The following PRR5L variants were observed in gnomAD, a reference collection of about 807,000 sequenced individuals.
PRR5L encodes the protein proline rich 5 like.
PRR5L carries 21 observed loss-of-function variants against 36.4 expected under a neutral mutation model. The ratio of observed to expected loss-of-function variants is 0.58; its 90% confidence interval spans 0.41 to 0.83. PRR5L has a LOEUF of 0.83. Among genes scored for constraint, PRR5L ranks in the 40% least tolerant of loss-of-function variants. The probability of loss-of-function intolerance (pLI) is 0.00; values close to 1 mark genes in which losing one functional copy is unlikely to be tolerated. For missense variants in PRR5L, 381 were observed against 473.3 expected (o/e 0.80, Z 1.81); for synonymous variants, 188 against 197.0 (o/e 0.95, Z 0.38).
chr11:36,300,086 T>G (rs1393133940), intron 1 of PRR5L, among the ~76,000 whole-genome samples: 2 of 152,148 alleles, frequency 1.3e-5, no homozygotes, highest in Non-Finnish European at 2.9e-5. Flanking sequence ...GAAGTACAAG[T>G]GAAATATCTT....
intron 1 of PRR5L, among the ~76,000 whole-genome samples, chr11:36,381,847 T>G (rs975524094): frequency 1.3e-5 from 2 of 152,042 alleles, no homozygotes; most frequent in Non-Finnish European, 2.9e-5. Flanking sequence ...GACAATAGAT[T>G]CCTTTCAGGC....
chr11:36,343,905 GT>G (rs1554986223), intron 1 of PRR5L, among the ~76,000 whole-genome samples: 132 of 147,622 alleles, frequency 8.9e-4, no homozygotes, highest in African/African-American at 1.8e-3. Context: ...GTTTTATGTT[GT>G]TTTTTTTTTT....
intron 4 of PRR5L, among the ~76,000 whole-genome samples, chr11:36,423,319 A>T (rs75930075): frequency 1.3e-5 from 2 of 152,348 alleles, no homozygotes; most frequent in South Asian, 2.1e-4. Flanking sequence ...CAAGAGTCCC[A>T]GGAGGCCAGT....
At chr11:36,417,189 T>A (rs1311165025) in intron 3 of PRR5L, among the ~76,000 whole-genome samples, 3 of 152,158 alleles carry the variant, frequency 2.0e-5, no homozygotes, top group Non-Finnish European at 4.4e-5. Context: ...CTTGGGAAGC[T>A]CTCTCCTAAG....
At chr11:36,374,084 T>G (rs976204807) in intron 1 of PRR5L, among the ~76,000 whole-genome samples, 272 of 117,420 alleles carry the variant, frequency 2.3e-3, no homozygotes, top group Admixed American at 3.7e-3. Context: ...CTTCCTTCCT[T>G]CCTTCCTTCC....
At chr11:36,341,062 AAGGC>A (rs1856812476) in intron 1 of PRR5L, among the ~76,000 whole-genome samples, 1 of 152,200 alleles carries the variant, frequency 6.6e-6, no homozygotes, top group African/African-American at 2.4e-5. Flanking sequence ...CTCTCCGGGA[AAGGC>A]AGGCAGATGG....
At chr11:36,386,459 A>G (rs1347895632) in intron 1 of PRR5L, 1 of 152,270 alleles carries the variant, frequency 6.6e-6, no homozygotes, top group Non-Finnish European at 1.5e-5. Flanking sequence ...CTCATCAGAC[A>G]CTGAACAAGT....
chr11:36,415,717 T>C (rs954891984), intron 3 of PRR5L, among the ~76,000 whole-genome samples: 3 of 152,304 alleles, frequency 2.0e-5, no homozygotes, highest in Non-Finnish European at 2.9e-5. Flanking sequence ...GCACTCCAGC[T>C]TGGGCAACAG....
intron 1 of PRR5L, among the ~76,000 whole-genome samples, chr11:36,365,285 C>A (rs1219852775): frequency 6.6e-6 from 1 of 151,776 alleles, no homozygotes; most frequent in African/African-American, 2.4e-5. Context: ...GGGAGACTAT[C>A]AGCAGACCAG....
chr11:36,397,045 T>C (rs1450174230), intron 1 of PRR5L, among the ~76,000 whole-genome samples: 2 of 151,764 alleles, frequency 1.3e-5, no homozygotes, highest in Admixed American at 6.6e-5. Context: ...ACCTAACTTC[T>C]CTGATGTTCA....
chr11:36,315,652 T>C (rs1856548143), intron 1 of PRR5L, among the ~76,000 whole-genome samples: 1 of 152,222 alleles, frequency 6.6e-6, no homozygotes, highest in African/African-American at 2.4e-5. Flanking sequence ...AGTGTTCCCT[T>C]TGATTTTGTA....
intron 1 of PRR5L, among the ~76,000 whole-genome samples, chr11:36,384,373 C>T (rs1857421658): frequency 6.6e-6 from 1 of 152,182 alleles, no homozygotes; most frequent in East Asian, 1.9e-4. Context: ...TATAGTATTA[C>T]TTTTGGATAT....
intron 1 of PRR5L, among the ~76,000 whole-genome samples, chr11:36,355,457 C>A (rs1389490972): frequency 1.3e-5 from 2 of 151,676 alleles, no homozygotes; most frequent in Non-Finnish European, 2.9e-5. Flanking sequence ...AGCGGAGGCA[C>A]AACTTGCTTA....
At chr11:36,445,680 G>A (rs1013761209) in intron 6 of PRR5L, among the ~76,000 whole-genome samples, 7 of 152,306 alleles carry the variant, frequency 4.6e-5, no homozygotes, top group African/African-American at 1.2e-4. Context: ...CTCAAAGGGT[G>A]GTTGTGGGGA....
chr11:36,348,212 T>C (rs1056016356), intron 1 of PRR5L, among the ~76,000 whole-genome samples: 2 of 152,138 alleles, frequency 1.3e-5, no homozygotes, highest in Non-Finnish European at 2.9e-5. Context: ...CACCCCATAC[T>C]CTTCTTAGCC....
chr11:36,328,000 C>T (rs1268791119), intron 1 of PRR5L, among the ~76,000 whole-genome samples: 3 of 152,204 alleles, frequency 2.0e-5, no homozygotes, highest in Non-Finnish European at 4.4e-5. Flanking sequence ...GGGGTTGTCA[C>T]AGGTCATGGT....
At chr11:36,320,781 A>T (rs1156678048) in intron 1 of PRR5L, among the ~76,000 whole-genome samples, 1 of 152,184 alleles carries the variant, frequency 6.6e-6, no homozygotes, top group Non-Finnish European at 1.5e-5. Context: ...AATTATTTAA[A>T]TTCTTGGAAT....
chr11:36,401,906 C>G (rs1857806505), intron 2 of PRR5L, among the ~76,000 whole-genome samples: 1 of 152,226 alleles, frequency 6.6e-6, no homozygotes, highest in African/African-American at 2.4e-5. Flanking sequence ...CTGAAACTGT[C>G]AGCCTATCCG....
Position 36,437,904 on chromosome 11 carries a change from AAGG to A in PRR5L, c.444+431_444+433del, listed in dbSNP as rs1392854610. The stretch of plus-strand genomic sequence containing the variant: ...TTGCCGTCACATTCAAATTATGAAA[AAGG>A]AGTAACATTCCGTGTTCCTCTGTAA... On this transcript the variant is annotated intron_variant, in intron 6 of 8. Coordinates refer to ENST00000530639, the MANE Select transcript of PRR5L (RefSeq NM_001160167.2). Among the ~76,000 whole-genome samples the A allele has an allele frequency of 2.0e-4, 31 of 152,238 alleles. No individual in the cohort carries two copies. The Middle Eastern group carries it at 0.01, about 50-fold the overall frequency.
Sources: gnomAD v4.1 joint callset for allele counts (sites outside exome capture counted in the v4.1 genomes callset) on GRCh38, gnomAD v4.1.1 for gene constraint, MANE v1.5 for transcripts, NCBI Gene and HGNC (gene_info 2026-07-23, HGNC 2026-07-21) for gene names.